Variants in ACSM2A observed in about 807,000 individuals in gnomAD.
ACSM2A encodes the protein acyl-CoA synthetase medium chain family member 2A.
ACSM2A carries 72 observed loss-of-function variants against 76.6 expected under a neutral mutation model. The observed-to-expected ratio is 0.94, with a 90% CI of 0.78 to 1.14. The LOEUF (loss-of-function observed/expected upper bound fraction) is 1.14. ACSM2A is among the 50% of genes most tolerant of loss of function. The pLI is 0.00. For synonymous variants in ACSM2A, 249 were observed against 255.9 expected (o/e 0.97, Z 0.26); for missense variants, 684 against 708.5 (o/e 0.97, Z 0.39).
At chr16:20,469,978 C>A (rs924981701) in intron 4 of ACSM2A, among the ~76,000 whole-genome samples, 1 of 144,614 alleles carries the variant, frequency 6.9e-6, no homozygotes, top group Non-Finnish European at 1.5e-5. Context: ...GGATTGTCCT[C>A]TAAAGGATTG....
At chr16:20,481,356 G>GGT (rs2014071195) in intron 12 of ACSM2A, 1 of 187,264 alleles carries the variant, frequency 5.3e-6, no homozygotes, top group African/African-American at 2.4e-5. Context: ...AATAATATGT[G>GGT]GTATATATAC....
intron 12 of ACSM2A, chr16:20,482,593 A>G (rs1458645044): frequency 6.1e-6 from 1 of 162,664 alleles, no homozygotes; most frequent in East Asian, 1.7e-4. Context: ...GCCATGGGGG[A>G]TCCCCTGCTG....
At chr16:20,458,918 A>T (rs1470079775) in intron 1 of ACSM2A, among the ~76,000 whole-genome samples, 7 of 63,726 alleles carry the variant, frequency 1.1e-4, no homozygotes, top group African/African-American at 6.1e-4. Context: ...ATATATATAT[A>T]TATATATATA....
At position 20,480,862 on chromosome 16, in the gene ACSM2A, G is replaced by C; in HGVS notation, c.1450G>C (p.Glu484Gln). Reference protein sequence around the residue: ...GPSEVENALMEHPAVVETAVI... With the variant: ...GPSEVENALMQHPAVVETAVI... ...CTCGGAGGTAGAGAATGCACTGATGGAGCACCCTGCTGTGGTTGAGACGGC... is the reference window on the plus strand; with the variant it reads ...CTCGGAGGTAGAGAATGCACTGATGCAGCACCCTGCTGTGGTTGAGACGGC... Residue 484 changes from glutamate to glutamine, a missense_variant, in exon 12 of 14, where the codon GAG (glutamate) becomes CAG (glutamine). Coordinates refer to ENST00000573854, the MANE Select transcript of ACSM2A (RefSeq NM_001308172.2). The C allele has an allele frequency of 6.2e-7, 1 of 1,612,208 alleles. No homozygotes were observed. The highest frequency in any genetic ancestry group is 2.2e-5 in the East Asian group (1 of 44,870).
chr16:20,470,653 C>T (rs113203619), intron 4 of ACSM2A, among the ~76,000 whole-genome samples: 13 of 152,276 alleles, frequency 8.5e-5, no homozygotes, highest in African/African-American at 3.1e-4. Flanking sequence ...CAAGAAAGTA[C>T]TTGGAAAACT....
intron 2 of ACSM2A, among the ~76,000 whole-genome samples, chr16:20,461,416 A>G (rs2012616689): frequency 1.3e-5 from 2 of 152,196 alleles, no homozygotes; most frequent in Non-Finnish European, 2.9e-5. Context: ...ATATTCAGGA[A>G]GGCCCTTACT....
intron 1 of ACSM2A, among the ~76,000 whole-genome samples, chr16:20,458,862 A>G (rs1306799967): frequency 2.1e-5 from 3 of 140,304 alleles, no homozygotes; most frequent in African/African-American, 7.7e-5. Context: ...TTTTTTAGGT[A>G]TATACTATAT....
intron 6 of ACSM2A, among the ~76,000 whole-genome samples, chr16:20,473,336 T>TA (rs1310478162): frequency 1.3e-5 from 2 of 152,000 alleles, no homozygotes; most frequent in Non-Finnish European, 2.9e-5. Flanking sequence ...GTTCCACCAT[T>TA]AAAAAAATGA....
At chr16:20,464,155 T>A (rs1246127485) in intron 2 of ACSM2A, among the ~76,000 whole-genome samples, 1 of 152,208 alleles carries the variant, frequency 6.6e-6, no homozygotes, top group African/African-American at 2.4e-5. Flanking sequence ...TGGTCACAAC[T>A]ATTTAACCAG....
chr16:20,474,061 T>C, intron 6 of ACSM2A: 3 of 450,692 alleles, frequency 6.7e-6, no homozygotes, highest in African/African-American at 2.0e-5. Context: ...ACCAAACCAA[T>C]GTATTTTTTA....
In ACSM2A at chr16:20,467,124, G is replaced by T. The variant is rs367756229; in HGVS notation, c.388+1397G>T. Reference sequence around the variant, plus strand: ...CCTCAGTGTCATAATTTTTCCAAAGGCAGTTTCAAAGCCACAGAGGAGGGA... The same window carrying T: ...CCTCAGTGTCATAATTTTTCCAAAGTCAGTTTCAAAGCCACAGAGGAGGGA... On this transcript the variant is annotated intron_variant, in intron 3 of 13. Coordinates refer to ENST00000573854, the MANE Select transcript of ACSM2A (RefSeq NM_001308172.2). Among the ~76,000 whole-genome samples, 153 of 152,292 alleles carry T rather than the reference G, an allele frequency of 1.0e-3. 3 individuals are homozygous for T. The South Asian group carries it at 0.03, about 30-fold the overall frequency.
chr16:20,467,617 T>C (rs1275634411), intron 3 of ACSM2A, among the ~76,000 whole-genome samples: 1 of 151,826 alleles, frequency 6.6e-6, no homozygotes, highest in Non-Finnish European at 1.5e-5. Context: ...GAGAGAGAAG[T>C]ACAGACATTT....
At chr16:20,458,865 T>C (rs1488566089) in intron 1 of ACSM2A, among the ~76,000 whole-genome samples, 4 of 139,544 alleles carry the variant, frequency 2.9e-5, no homozygotes, top group South Asian at 2.3e-4. Context: ...TTTAGGTATA[T>C]ACTATATAAT....
intron 10 of ACSM2A, 110 bp from the exon 11 acceptor site, chr16:20,480,463 A>G (rs2141757116): frequency 6.6e-7 from 1 of 1,511,328 alleles, no homozygotes; most frequent in East Asian, 2.3e-5. Flanking sequence ...CAGGTTATAC[A>G]CTGCACACCT....
chr16:20,472,913 G>A (rs528079104), intron 6 of ACSM2A, among the ~76,000 whole-genome samples: 39 of 152,164 alleles, frequency 2.6e-4, no homozygotes, highest in Non-Finnish European at 3.5e-4. Context: ...TCCAATTTAA[G>A]ATGGTTTTCT....
At position 20,477,592 on chromosome 16, in the gene ACSM2A, T is replaced by C; in HGVS notation, c.1179+143T>C. Reference sequence around the variant, plus strand: ...TAAGAAAAAAAGGAGGTAGGGAGGTTGGGGGAAGGAAAGAGTGAGGGAAGG... The same window carrying C: ...TAAGAAAAAAAGGAGGTAGGGAGGTCGGGGGAAGGAAAGAGTGAGGGAAGG... On this transcript the variant is annotated intron_variant, in intron 9 of 13. Transcript: ENST00000573854. The C allele has an allele frequency of 2.1e-6, 3 of 1,420,834 alleles. No individual in the cohort carries two copies. The African/African-American group carries it at 4.3e-5, about 20-fold the overall frequency. The allele number at this position is 1,420,834 out of a possible 1,614,324, so 88.0% of individuals were successfully genotyped here.
chr16:20,471,814 T>C (rs1342339381), intron 6 of ACSM2A, 125 bp downstream of exon 6: 1 of 1,486,682 alleles, frequency 6.7e-7, no homozygotes, highest in East Asian at 2.3e-5. Context: ...GTGAACAGTG[T>C]TCAGTAAACG....
At chr16:20,477,137 C>T (rs2013790157) in intron 8 of ACSM2A, 3 of 603,044 alleles carry the variant, frequency 5.0e-6, no homozygotes, top group Admixed American at 3.8e-5. Flanking sequence ...TTGTTAGGTC[C>T]TCTTCCTGGG....
chr16:20,466,808 G>C (rs190639539), intron 3 of ACSM2A, among the ~76,000 whole-genome samples: 1 of 152,310 alleles, frequency 6.6e-6, no homozygotes, highest in African/African-American at 2.4e-5. Flanking sequence ...TTACCATAAT[G>C]ATGTAATCTA....
Sources: allele counts gnomAD v4.1 joint callset (sites outside exome capture counted in the v4.1 genomes callset), GRCh38; gene constraint gnomAD v4.1.1; transcripts MANE v1.5; gene names NCBI Gene and HGNC (gene_info 2026-07-23, HGNC 2026-07-21).